Variants in KCNIP4 observed in about 807,000 individuals in gnomAD.
KCNIP4 encodes the protein potassium voltage-gated channel interacting protein 4.
In KCNIP4, 12 loss-of-function variants were observed where a neutral mutation model predicts 34.0. That is an observed-to-expected ratio of 0.35 (90% confidence interval 0.23 to 0.57). The LOEUF is 0.57. Ranked by LOEUF, KCNIP4 falls within the 20% of genes least tolerant of loss-of-function variation. KCNIP4 has a pLI of 0.83. For synonymous variants in KCNIP4, 124 were observed against 102.2 expected (o/e 1.21, Z -1.29); for missense variants, 238 against 311.7 (o/e 0.76, Z 1.78).
At position 20,747,825 on chromosome 4, in the gene KCNIP4, G is replaced by A. The variant is rs146209719; in HGVS notation, c.429+1837C>T. Among the ~76,000 whole-genome samples, 352 of 152,150 alleles carry A rather than the reference G, an allele frequency of 2.3e-3. 8 individuals carry two copies. The South Asian group carries it at 0.046, about 20-fold the overall frequency. On this transcript the variant is annotated intron_variant, in intron 5 of 8. Coordinates refer to ENST00000382152, the MANE Select transcript of KCNIP4 (RefSeq NM_025221.6). ...GTTCATCCTGCCCCTGTGGTGACTG[G>A]CTGGATGACATTGCAGAAAGCTGCA...
intron 1 of KCNIP4, among the ~76,000 whole-genome samples, chr4:21,477,716 T>C (rs1731104026): frequency 6.6e-6 from 1 of 152,212 alleles, no homozygotes; most frequent in Non-Finnish European, 1.5e-5. Context: ...GAATGGGTGT[T>C]ATAATTAATT....
intron 1 of KCNIP4, among the ~76,000 whole-genome samples, chr4:21,729,445 G>C (rs11930835): frequency 2.0e-5 from 3 of 151,906 alleles, no homozygotes; most frequent in Non-Finnish European, 4.4e-5. Context: ...ATTATTATTC[G>C]AGAAGCAATT....
intron 1 of KCNIP4, among the ~76,000 whole-genome samples, chr4:21,515,782 C>T (rs1734708955): frequency 6.6e-6 from 1 of 152,190 alleles, no homozygotes; most frequent in South Asian, 2.1e-4. Context: ...TTCTTGCCTT[C>T]TCTCTCTCTT....
At chr4:21,033,769 A>G (rs1347866310) in intron 1 of KCNIP4, among the ~76,000 whole-genome samples, 1 of 152,200 alleles carries the variant, frequency 6.6e-6, no homozygotes, top group Non-Finnish European at 1.5e-5. Context: ...ATTTAATTTA[A>G]ATATTGGGCC....
At chr4:21,454,689 A>G (rs1229278968) in intron 1 of KCNIP4, among the ~76,000 whole-genome samples, 2 of 152,152 alleles carry the variant, frequency 1.3e-5, no homozygotes, top group Non-Finnish European at 2.9e-5. Flanking sequence ...TTCTAGCACA[A>G]ATATTAGAGG....
At chr4:20,857,684 G>C (rs939093314) in intron 2 of KCNIP4, among the ~76,000 whole-genome samples, 6 of 152,064 alleles carry the variant, frequency 3.9e-5, no homozygotes, top group Non-Finnish European at 8.8e-5. Context: ...CTTTGCCACA[G>C]TCTCTTTTAA....
At chr4:21,285,881 T>C (rs1763091748) in intron 1 of KCNIP4, among the ~76,000 whole-genome samples, 1 of 152,114 alleles carries the variant, frequency 6.6e-6, no homozygotes, top group Non-Finnish European at 1.5e-5. Context: ...CACAAAAGCA[T>C]GGCTTGATGC....
intron 1 of KCNIP4, among the ~76,000 whole-genome samples, chr4:21,599,008 A>C (rs1002804746): frequency 1.3e-5 from 2 of 152,090 alleles, no homozygotes; most frequent in African/African-American, 4.8e-5. Flanking sequence ...CATTTGATTA[A>C]CTGTATCATC....
chr4:21,780,954 TCTCTTC>T (rs1169945351), intron 1 of KCNIP4, among the ~76,000 whole-genome samples: 6 of 152,132 alleles, frequency 3.9e-5, no homozygotes, highest in African/African-American at 1.4e-4. Flanking sequence ...TTCACAGGGA[TCTCTTC>T]CTCTGTGTTT....
chr4:21,810,349 C>G (rs1721557349), intron 1 of KCNIP4, among the ~76,000 whole-genome samples: 1 of 152,008 alleles, frequency 6.6e-6, no homozygotes, highest in African/African-American at 2.4e-5. Context: ...GTCAACTCCT[C>G]CTTCCCCCAA....
chr4:21,392,685 CCAAA>C (rs1357859424), intron 1 of KCNIP4, among the ~76,000 whole-genome samples: 6 of 152,228 alleles, frequency 3.9e-5, no homozygotes, highest in Non-Finnish European at 5.9e-5. Context: ...TTTTATTTAG[CCAAA>C]CAATCTAATA....
intron 1 of KCNIP4, among the ~76,000 whole-genome samples, chr4:21,214,852 C>A (rs1757450310): frequency 6.6e-6 from 1 of 152,106 alleles, no homozygotes; most frequent in African/African-American, 2.4e-5. Flanking sequence ...TTCTTTCTAT[C>A]CTTTCTTGGG....
At chr4:21,401,065 G>T (rs1425581652) in intron 1 of KCNIP4, among the ~76,000 whole-genome samples, 1 of 152,092 alleles carries the variant, frequency 6.6e-6, no homozygotes, top group Non-Finnish European at 1.5e-5. Context: ...GGAGGCTGAG[G>T]CAGGAGAGTC....
chr4:21,109,791 A>T (rs1748987982), intron 1 of KCNIP4, among the ~76,000 whole-genome samples: 1 of 152,058 alleles, frequency 6.6e-6, no homozygotes, highest in Admixed American at 6.5e-5. Flanking sequence ...TTTTCCTACC[A>T]TATTCTTTGT....
intron 1 of KCNIP4, among the ~76,000 whole-genome samples, chr4:21,171,763 T>C (rs1388130827): frequency 2.6e-5 from 4 of 152,146 alleles, no homozygotes; most frequent in African/African-American, 7.2e-5. Flanking sequence ...AGAATAAATG[T>C]AGTGACATGT....
At chr4:21,091,609 AC>A (rs1246944043) in intron 1 of KCNIP4, among the ~76,000 whole-genome samples, 1 of 152,174 alleles carries the variant, frequency 6.6e-6, no homozygotes, top group Non-Finnish European at 1.5e-5. Flanking sequence ...AATACCATAG[AC>A]TGGGTACCTT....
At chr4:20,926,145 G>C (rs1278411625) in intron 1 of KCNIP4, among the ~76,000 whole-genome samples, 2 of 152,204 alleles carry the variant, frequency 1.3e-5, no homozygotes, top group African/African-American at 2.4e-5. Flanking sequence ...CTGAAATCCA[G>C]GTTCCCAAAT....
At chr4:21,561,179 T>C (rs1739463488) in intron 1 of KCNIP4, among the ~76,000 whole-genome samples, 2 of 152,106 alleles carry the variant, frequency 1.3e-5, no homozygotes, top group Non-Finnish European at 2.9e-5. Flanking sequence ...AAATACAGAT[T>C]ATTAAGAAAT....
rs147461144 is a variant in KCNIP4 at position 21,418,036 on chromosome 4, A to G, written c.61+530535T>C. On this transcript the variant is annotated intron_variant, in intron 1 of 8. Transcript: ENST00000382152. The stretch of plus-strand genomic sequence containing the variant: ...CATGCAGAAACTCAAATAGTAGAAC[A>G]AAGGAATTACTCTAGAAAGCAGAAT... 2.6e-5 allele frequency among the ~76,000 whole-genome samples: 4 copies of G among 152,322 alleles called. No homozygotes were observed. In the East Asian group the frequency reaches 7.7e-4, roughly 29 times the overall value.
Sources: allele counts gnomAD v4.1 joint callset (sites outside exome capture counted in the v4.1 genomes callset), GRCh38; gene constraint gnomAD v4.1.1; transcripts MANE v1.5; gene names NCBI Gene and HGNC (gene_info 2026-07-23, HGNC 2026-07-21).